Variants in RPS6KC1 observed in about 807,000 individuals in gnomAD.
RPS6KC1 encodes the protein inactive ribosomal protein S6 kinase delta-1.
RPS6KC1 carries 54 observed loss-of-function variants against 103.8 expected under a neutral mutation model. The observed-to-expected ratio is 0.52, with a 90% CI of 0.42 to 0.65. RPS6KC1 has a LOEUF of 0.65. Ranked by LOEUF, RPS6KC1 falls within the 30% of genes least tolerant of loss-of-function variation. RPS6KC1 has a pLI of 0.00. For synonymous variants in RPS6KC1, 439 were observed against 438.7 expected (o/e 1.00, Z -0.01); for missense variants, 1,151 against 1,253.8 (o/e 0.92, Z 1.24).
chr1:213,782,375 G>A, the RPS6KC1 span, among the ~76,000 whole-genome samples: 1 of 152,128 alleles, frequency 6.6e-6, no homozygotes, highest in Non-Finnish European at 1.5e-5. Context: ...CAGGCATTCA[G>A]GGAGCATCAG....
At chr1:213,065,038 G>A (rs572053696) in intron 1 of RPS6KC1, among the ~76,000 whole-genome samples, 10 of 140,020 alleles carry the variant, frequency 7.1e-5, no homozygotes, top group Non-Finnish European at 1.1e-4. Context: ...ATGCAGTGGC[G>A]CGATCTTGGC....
At chr1:213,096,591 G>A (rs1477787851) in intron 3 of RPS6KC1, among the ~76,000 whole-genome samples, 2 of 152,054 alleles carry the variant, frequency 1.3e-5, no homozygotes, top group African/African-American at 4.8e-5. Context: ...CTTGAACCCG[G>A]GAGGCGGAGG....
chr1:213,303,336 C>T, the RPS6KC1 span, among the ~76,000 whole-genome samples: 4 of 152,172 alleles, frequency 2.6e-5, no homozygotes, highest in African/African-American at 4.8e-5. Context: ...CAAGATTCAT[C>T]GTAGGATTTT....
intron 8 of RPS6KC1, among the ~76,000 whole-genome samples, chr1:213,216,530 A>G (rs1161780593): frequency 6.6e-6 from 1 of 152,234 alleles, no homozygotes; most frequent in Non-Finnish European, 1.5e-5. Context: ...CCTAATAGAC[A>G]TCTACAGAAC....
the RPS6KC1 span, among the ~76,000 whole-genome samples, chr1:213,769,736 G>A: frequency 6.6e-6 from 1 of 152,070 alleles, no homozygotes; most frequent in Non-Finnish European, 1.5e-5. Flanking sequence ...AAAAGAAAAT[G>A]ACAGGCACTC....
the RPS6KC1 span, among the ~76,000 whole-genome samples, chr1:213,473,079 T>A: frequency 6.6e-6 from 1 of 152,204 alleles, no homozygotes; most frequent in Non-Finnish European, 1.5e-5. Context: ...GTATAAAACA[T>A]CTGCCTTGCC....
the RPS6KC1 span, among the ~76,000 whole-genome samples, chr1:213,478,647 A>C: frequency 1.3e-5 from 2 of 152,158 alleles, no homozygotes; most frequent in Admixed American, 6.5e-5. Flanking sequence ...CTTATTTACC[A>C]TTTGTGTATC....
the RPS6KC1 span, among the ~76,000 whole-genome samples, chr1:213,470,810 A>G: frequency 6.6e-6 from 1 of 151,746 alleles, no homozygotes; most frequent in Non-Finnish European, 1.5e-5. Context: ...GTTTTTGTAG[A>G]GGCAGGGTCT....
At chr1:213,678,742 C>G in the RPS6KC1 span, among the ~76,000 whole-genome samples, 1 of 152,208 alleles carries the variant, frequency 6.6e-6, no homozygotes, top group African/African-American at 2.4e-5. Flanking sequence ...CTTGAGGAAA[C>G]TTTAAGCCTG....
chr1:213,071,046 CATTT>C lies in RPS6KC1; in HGVS notation c.141+8_141+11del. ...AATCCAGAGGATGTCCAGGAGGTAA[CATTT>C]ATATGAAGATTTTATTTTATGTATT... On this transcript the variant is annotated splice_donor_region_variant and intron_variant, in intron 2 of 14. Coordinates refer to ENST00000366960, the MANE Select transcript of RPS6KC1 (RefSeq NM_012424.6). 9.9e-6 allele frequency: 15 copies of C among 1,514,486 alleles called. No individual in the cohort carries two copies. The highest frequency in any genetic ancestry group is 1.3e-5 in the Non-Finnish European group (15 of 1,111,830). The allele number at this position is 1,514,486 out of a possible 1,614,324, so 93.8% of individuals were successfully genotyped here. A position where few individuals can be genotyped will look rare whatever the true frequency, so the allele number is the denominator to read the frequency against.
the RPS6KC1 span, among the ~76,000 whole-genome samples, chr1:213,391,521 G>T: frequency 6.6e-6 from 1 of 152,156 alleles, no homozygotes; most frequent in Non-Finnish European, 1.5e-5. Context: ...ATAATTTTTT[G>T]GTCAGGGTGG....
At chr1:213,224,794 C>A (rs2093920091) in intron 8 of RPS6KC1, among the ~76,000 whole-genome samples, 1 of 152,118 alleles carries the variant, frequency 6.6e-6, no homozygotes, top group Non-Finnish European at 1.5e-5. Context: ...GATTGGCCTA[C>A]TGTTGGCATT....
At chr1:213,342,614 T>G in the RPS6KC1 span, among the ~76,000 whole-genome samples, 1 of 152,142 alleles carries the variant, frequency 6.6e-6, no homozygotes, top group African/African-American at 2.4e-5. Flanking sequence ...GGCCAGCCTT[T>G]CCATACAGTT....
At chr1:213,770,154 C>T in the RPS6KC1 span, among the ~76,000 whole-genome samples, 6 of 152,154 alleles carry the variant, frequency 3.9e-5, no homozygotes, top group African/African-American at 1.4e-4. Flanking sequence ...CTGGCCATTT[C>T]CCCTCATTTT....
At chr1:213,815,420 C>G in the RPS6KC1 span, among the ~76,000 whole-genome samples, 2 of 152,296 alleles carry the variant, frequency 1.3e-5, no homozygotes, top group African/African-American at 4.8e-5. Context: ...TAGTTATGCA[C>G]CCCAAGTTGT....
chr1:213,591,386 T>C, the RPS6KC1 span, among the ~76,000 whole-genome samples: 3 of 152,126 alleles, frequency 2.0e-5, no homozygotes, highest in Admixed American at 2.0e-4. Context: ...AAGCCTCCAC[T>C]GAAATTCCCA....
chr1:213,566,900 TCTG>T, the RPS6KC1 span, among the ~76,000 whole-genome samples: 2 of 152,210 alleles, frequency 1.3e-5, no homozygotes, highest in Admixed American at 6.5e-5. Flanking sequence ...GAGTTAAAAT[TCTG>T]CTATTTGCTG....
chr1:213,572,691 A>G, the RPS6KC1 span, among the ~76,000 whole-genome samples: 2 of 152,258 alleles, frequency 1.3e-5, no homozygotes, highest in Non-Finnish European at 2.9e-5. Flanking sequence ...TGGCCTCATT[A>G]GAAAGTAAAT....
the RPS6KC1 span, among the ~76,000 whole-genome samples, chr1:213,455,233 G>A: frequency 6.6e-6 from 1 of 152,252 alleles, no homozygotes; most frequent in Non-Finnish European, 1.5e-5. Flanking sequence ...GAGGTGGAGG[G>A]AGAGTGTTGG....
Sources: allele counts gnomAD v4.1 joint callset (sites outside exome capture counted in the v4.1 genomes callset), GRCh38; gene constraint gnomAD v4.1.1; transcripts MANE v1.5; gene names NCBI Gene and HGNC (gene_info 2026-07-23, HGNC 2026-07-21).